The following CCBE1 variants were observed in gnomAD, a reference collection of about 807,000 sequenced individuals.
The protein encoded by CCBE1 is collagen and calcium binding EGF domains 1.
Under a neutral mutation model 50.0 loss-of-function variants are expected in CCBE1, and 37 were observed. The observed-to-expected ratio is 0.74, with a 90% CI of 0.57 to 0.97. The LOEUF is 0.97. Among genes scored for constraint, CCBE1 ranks in the 50% least tolerant of loss-of-function variants. CCBE1 has a pLI of 0.00. For synonymous variants in CCBE1, 234 were observed against 203.7 expected, an observed-to-expected ratio of 1.15 and a Z score of -1.27; for missense variants, 538 against 523.8, an observed-to-expected ratio of 1.03 and a Z score of -0.26.
intron 2 of CCBE1, among the ~76,000 whole-genome samples, chr18:59,594,910 A>C (rs2187493): frequency 1.3e-5 from 2 of 151,676 alleles, no homozygotes; most frequent in Non-Finnish European, 2.9e-5. Flanking sequence ...TCAAGAGAAC[A>C]AGATCAGCCT....
intron 2 of CCBE1, among the ~76,000 whole-genome samples, chr18:59,532,877 A>T (rs1442529191): frequency 6.6e-6 from 1 of 152,154 alleles, no homozygotes; most frequent in African/African-American, 2.4e-5. Flanking sequence ...TTTTTACTGA[A>T]TCCCATCAAT....
rs552423999 is a variant in CCBE1, at chr18:59,611,907, T to A, written c.212+84722A>T. ...GAGTCACTGGGAAAACAGATGTCCA[T>A]AAAGTCTTAAGAGCAGGGTAAAGTC... On this transcript the variant is annotated intron_variant, in intron 2 of 10. Transcript: ENST00000439986. 8.5e-5 allele frequency among the ~76,000 whole-genome samples: 13 copies of A among 152,276 alleles called. No homozygotes were observed. In the East Asian group the frequency reaches 1.4e-3, roughly 16 times the overall value.
intron 2 of CCBE1, among the ~76,000 whole-genome samples, chr18:59,636,395 T>A (rs988509452): frequency 6.6e-6 from 1 of 152,214 alleles, no homozygotes; most frequent in African/African-American, 2.4e-5. Flanking sequence ...CTATGTGAAA[T>A]GCACAGAGCA....
upstream of CCBE1, chr18:59,697,474 A>G (rs2054827912): frequency 8.2e-7 from 1 of 1,218,386 alleles, no homozygotes; most frequent in African/African-American, 1.5e-5. Flanking sequence ...CACCACCTGC[A>G]CGGGGAGCAG....
At chr18:59,488,829 C>G (rs971710141) in intron 2 of CCBE1, among the ~76,000 whole-genome samples, 1 of 152,150 alleles carries the variant, frequency 6.6e-6, no homozygotes, top group Non-Finnish European at 1.5e-5. Context: ...ATGCATCAAG[C>G]CCAACAGCAC....
chr18:59,456,857 CTG>C (rs1301418949), intron 5 of CCBE1, among the ~76,000 whole-genome samples: 5 of 152,212 alleles, frequency 3.3e-5, no homozygotes, highest in African/African-American at 1.2e-4. Context: ...AGCTCTCAGA[CTG>C]TGCACCTTCA....
At chr18:59,632,422 C>T (rs926611478) in intron 2 of CCBE1, among the ~76,000 whole-genome samples, 7 of 151,964 alleles carry the variant, frequency 4.6e-5, no homozygotes, top group Admixed American at 1.3e-4. Context: ...TACAGGCATC[C>T]GCCACCATGC....
chr18:59,443,108 G>A (rs950056458), intron 7 of CCBE1, among the ~76,000 whole-genome samples: 6 of 152,178 alleles, frequency 3.9e-5, no homozygotes, highest in African/African-American at 1.4e-4. Context: ...TTGCATGTGT[G>A]CCAGAATACG....
Position 59,576,166 on chromosome 18 carries a change from G to A in CCBE1, c.213-95928C>T, listed in dbSNP as rs1031445025. ...CGTTGTGGATATACCACAACAGCAC[G>A]CATGAAAGGCATTTGGCTTGTTTCC... On this transcript the variant is annotated intron_variant, in intron 2 of 10. Coordinates refer to ENST00000439986, the MANE Select transcript of CCBE1 (RefSeq NM_133459.4). 4.6e-5 allele frequency among the ~76,000 whole-genome samples: 7 copies of A among 152,178 alleles called. No individual in the cohort carries two copies. The East Asian group carries it at 7.7e-4, about 17-fold the overall frequency.
chr18:59,683,207 T>G (rs1207832122), intron 2 of CCBE1, among the ~76,000 whole-genome samples: 1 of 152,110 alleles, frequency 6.6e-6, no homozygotes, highest in Non-Finnish European at 1.5e-5. Context: ...GCATAAGGAT[T>G]TAGATATGCT....
intron 2 of CCBE1, among the ~76,000 whole-genome samples, chr18:59,650,872 T>C (rs1342160473): frequency 1.3e-5 from 2 of 151,066 alleles, no homozygotes; most frequent in Non-Finnish European, 2.9e-5. Context: ...AACAGATGAG[T>C]GATAAGGAAA....
At chr18:59,646,252 T>A (rs536298209) in intron 2 of CCBE1, among the ~76,000 whole-genome samples, 1 of 152,292 alleles carries the variant, frequency 6.6e-6, no homozygotes, top group East Asian at 1.9e-4. Flanking sequence ...CGATGGACGA[T>A]CACTGTCAGA....
At chr18:59,612,368 GT>G (rs1193685955) in intron 2 of CCBE1, among the ~76,000 whole-genome samples, 1 of 150,486 alleles carries the variant, frequency 6.6e-6, no homozygotes, top group East Asian at 1.9e-4. Flanking sequence ...TCCAGGCAGT[GT>G]TGTGGTGGCA....
intron 7 of CCBE1, among the ~76,000 whole-genome samples, chr18:59,445,001 G>T (rs1910608038): frequency 6.6e-6 from 1 of 151,856 alleles, no homozygotes; most frequent in South Asian, 2.1e-4. Context: ...GGTTGTTTTT[G>T]CCCTGTTGAT....
intron 2 of CCBE1, among the ~76,000 whole-genome samples, chr18:59,669,837 G>A (rs1351961131): frequency 6.6e-6 from 1 of 152,188 alleles, no homozygotes; most frequent in Non-Finnish European, 1.5e-5. Flanking sequence ...TATCTGGCTT[G>A]CATTTCCATG....
chr18:59,607,650 G>C (rs898007409), intron 2 of CCBE1, among the ~76,000 whole-genome samples: 2 of 152,196 alleles, frequency 1.3e-5, no homozygotes, highest in Admixed American at 1.3e-4. Context: ...ACCTCGCTGA[G>C]CTTGAAAGCT....
At chr18:59,458,546 G>C (rs1598917079) in intron 5 of CCBE1, among the ~76,000 whole-genome samples, 1 of 152,182 alleles carries the variant, frequency 6.6e-6, no homozygotes. Flanking sequence ...TTAGATCATG[G>C]AATGTTAGAA....
intron 2 of CCBE1, among the ~76,000 whole-genome samples, chr18:59,682,052 AG>A (rs1218768321): frequency 1.3e-5 from 2 of 152,126 alleles, no homozygotes; most frequent in African/African-American, 4.8e-5. Flanking sequence ...AGGTAGGGAG[AG>A]GGTAGGTCAT....
intron 2 of CCBE1, among the ~76,000 whole-genome samples, chr18:59,561,225 A>T (rs2052732801): frequency 6.6e-6 from 1 of 152,220 alleles, no homozygotes; most frequent in Non-Finnish European, 1.5e-5. Context: ...GGGCCTGTGT[A>T]CCCAAAAGCT....
Sources: allele counts gnomAD v4.1 joint callset (sites outside exome capture counted in the v4.1 genomes callset), GRCh38; gene constraint gnomAD v4.1.1; transcripts MANE v1.5; gene names NCBI Gene and HGNC (gene_info 2026-07-23, HGNC 2026-07-21).